Variants in MROH9 observed in about 807,000 individuals in gnomAD.
The protein encoded by MROH9 is maestro heat like repeat family member 9.
A neutral mutation model predicts 98.2 loss-of-function variants in MROH9; 92 were observed. The ratio of observed to expected loss-of-function variants is 0.94; its 90% CI spans 0.79 to 1.11. The LOEUF is 1.11. MROH9 is among the 50% of genes most tolerant of loss of function. The pLI, the probability that MROH9 is intolerant of heterozygous loss-of-function variation, is 0.00. For synonymous variants in MROH9, 397 were observed against 368.9 expected (o/e 1.08, Z -0.87); for missense variants, 1,057 against 1,014.8 (o/e 1.04, Z -0.57).
Position 170,995,394 on chromosome 1 carries a change from C to A in MROH9, c.1200C>A (p.Cys400Ter). ...CCTATTTCCTTCCCTTATAGGCATG[C>A]CAGGCCCTGTGCACCTTTCTGCCTC... ...DITNLMPLAACQALCTFLPLG... is the reference protein window; with the variant it reads ...DITNLMPLAA Residue 400 changes from cysteine (C) to a stop codon, truncating the protein, a stop_gained, in exon 13 of 22, where the codon TGC becomes TGA. Coordinates refer to ENST00000367759, the MANE Select transcript of MROH9 (RefSeq NM_001163629.2). LOFTEE classifies it high-confidence loss of function. 2 of 1,613,242 alleles carry A rather than the reference C, an allele frequency of 1.2e-6. No individual in the cohort carries two copies. The highest frequency in any genetic ancestry group is 1.7e-6 in the Non-Finnish European group (2 of 1,179,454).
At chr1:170,973,002 T>G (rs1437943918) in intron 8 of MROH9, among the ~76,000 whole-genome samples, 1 of 151,666 alleles carries the variant, frequency 6.6e-6, no homozygotes, top group Non-Finnish European at 1.5e-5. Context: ...CAAAAAGAGA[T>G]AAGCCAGTGG....
At position 170,983,635 on chromosome 1, in the gene MROH9, G is replaced by A. The variant is rs77952906; in HGVS notation, c.729+101G>A. The A allele has an allele frequency of 6.9e-3, 4,805 of 699,888 alleles. 176 individuals are homozygous for A. In the African/African-American group the frequency reaches 0.074, roughly 11 times the overall value. The allele number at this position is 699,888 out of a possible 1,614,324, so 43.4% of individuals were successfully genotyped here. ...AAGTTTATGTCGTTAGTATTTTTTC[G>A]TTTTTTTTTAAACTCAGTGTGATAA... is the stretch of plus-strand genomic sequence containing the variant. On this transcript the variant is annotated intron_variant, in intron 9 of 21. Coordinates refer to ENST00000367759, the MANE Select transcript of MROH9 (RefSeq NM_001163629.2).
At chr1:170,936,185 A>G (rs967520280) in intron 1 of MROH9, among the ~76,000 whole-genome samples, 1 of 152,122 alleles carries the variant, frequency 6.6e-6, no homozygotes, top group African/African-American at 2.4e-5. Flanking sequence ...TATATTTATT[A>G]TAAGGTATTG....
chr1:171,040,915 C>T (rs115149783), intron 20 of MROH9, among the ~76,000 whole-genome samples: 136 of 152,122 alleles, frequency 8.9e-4, no homozygotes, highest in African/African-American at 3.1e-3. Flanking sequence ...CTGAAAATTA[C>T]ATGTTTATCC....
At chr1:171,029,928 G>C (rs757826391) in intron 20 of MROH9, among the ~76,000 whole-genome samples, 11 of 152,036 alleles carry the variant, frequency 7.2e-5, no homozygotes, top group Non-Finnish European at 7.4e-5. Context: ...CTGTTCCTGG[G>C]CTTTTTTTGG....
intron 15 of MROH9, among the ~76,000 whole-genome samples, chr1:171,005,134 G>A (rs998579814): frequency 3.9e-5 from 6 of 152,074 alleles, no homozygotes; most frequent in African/African-American, 1.4e-4. Flanking sequence ...ACATGATCTT[G>A]ACTTACTGCA....
intron 8 of MROH9, among the ~76,000 whole-genome samples, chr1:170,975,638 T>C (rs1195320353): frequency 6.6e-6 from 1 of 152,186 alleles, no homozygotes; most frequent in African/African-American, 2.4e-5. Context: ...GAACCTGTGG[T>C]ATTTGACTTT....
intron 1 of MROH9, among the ~76,000 whole-genome samples, chr1:170,940,343 G>C (rs576872306): frequency 6.6e-6 from 1 of 152,268 alleles, no homozygotes; most frequent in South Asian, 2.1e-4. Context: ...GCTACTTCTT[G>C]TTCAGAAGAT....
intron 12 of MROH9, 89 bp downstream of exon 12, chr1:170,992,418 C>A: frequency 7.4e-7 from 1 of 1,348,772 alleles, no homozygotes; most frequent in Non-Finnish European, 1.0e-6. Flanking sequence ...ATCATACTTT[C>A]TTAACACAGT....
rs150622475 is a variant in MROH9 at position 171,023,901 on chromosome 1, C to G, written c.1909-494C>G. On this transcript the variant is annotated intron_variant, in intron 17 of 21. Transcript: ENST00000367759. ...TGTATCCTTTAACCAACATCTCCCC[C>G]AGTGCCTCCCACCACCCTTCAGCTG... 9.5e-3 allele frequency among the ~76,000 whole-genome samples: 1,443 copies of G among 152,256 alleles called. 10 individuals are homozygous for G. Among genetic ancestry groups the G allele is most frequent in the Non-Finnish European group, 0.014 (944 of 68,030 alleles).
chr1:171,057,604 GAA>G (rs1653886788), intron 20 of MROH9, among the ~76,000 whole-genome samples: 1 of 152,028 alleles, frequency 6.6e-6, no homozygotes, highest in African/African-American at 2.4e-5. Flanking sequence ...GCAAATCCAG[GAA>G]AAGAGAGAGA....
At chr1:170,990,928 G>A (rs932830516) in intron 11 of MROH9, among the ~76,000 whole-genome samples, 1 of 152,086 alleles carries the variant, frequency 6.6e-6, no homozygotes, top group African/African-American at 2.4e-5. Context: ...CTGAAAGATG[G>A]TATTTATTTA....
chr1:170,939,710 G>T (rs543564673), intron 1 of MROH9, among the ~76,000 whole-genome samples: 1 of 152,256 alleles, frequency 6.6e-6, no homozygotes, highest in South Asian at 2.1e-4. Context: ...TTATGGCTTG[G>T]TGGGTTGGAT....
At chr1:170,958,683 A>T in intron 4 of MROH9, 143 bp downstream of exon 4, 1 of 539,836 alleles carries the variant, frequency 1.9e-6, no homozygotes, top group Non-Finnish European at 3.3e-6. Context: ...TCTTTCTTAT[A>T]CTCTTTCCCA....
At chr1:171,052,908 A>G (rs1290318165) in intron 20 of MROH9, among the ~76,000 whole-genome samples, 1 of 152,096 alleles carries the variant, frequency 6.6e-6, no homozygotes, top group East Asian at 1.9e-4. Flanking sequence ...TAGGAAGGGA[A>G]GGATGGCCCA....
intron 19 of MROH9, 25 bp downstream of exon 19, chr1:171,024,790 A>G: frequency 2.2e-6 from 3 of 1,347,442 alleles, no homozygotes; most frequent in Non-Finnish European, 3.1e-6. Flanking sequence ...CATTTTTACT[A>G]CTATAAGAGT....
intron 20 of MROH9, among the ~76,000 whole-genome samples, chr1:171,046,650 A>G (rs1453717833): frequency 1.3e-5 from 2 of 152,042 alleles, no homozygotes; most frequent in Non-Finnish European, 2.9e-5. Context: ...ATTATTATTG[A>G]TTGGTTCATC....
intron 20 of MROH9, among the ~76,000 whole-genome samples, chr1:171,060,573 T>C (rs1327098523): frequency 1.3e-5 from 2 of 152,168 alleles, no homozygotes; most frequent in African/African-American, 4.8e-5. Flanking sequence ...AGTGACACAA[T>C]GATAGACAGA....
chr1:170,948,551 A>G (rs115914299), intron 3 of MROH9, among the ~76,000 whole-genome samples: 1,558 of 152,250 alleles, frequency 0.01, 13 homozygotes, highest in Non-Finnish European at 0.014. Flanking sequence ...ACAAATATTT[A>G]TTGAGAATCT....
Sources: gnomAD v4.1 joint callset for allele counts (sites outside exome capture counted in the v4.1 genomes callset) on GRCh38, gnomAD v4.1.1 for gene constraint, MANE v1.5 for transcripts, NCBI Gene and HGNC (gene_info 2026-07-23, HGNC 2026-07-21) for gene names.